Variants in UBE4A observed in about 807,000 individuals in gnomAD.
UBE4A encodes ubiquitination factor E4A, also known as ubiquitin conjugation factor E4 A.
UBE4A carries 48 observed loss-of-function variants against 117.9 expected under a neutral mutation model. The ratio of observed to expected loss-of-function variants is 0.41; its 90% CI spans 0.32 to 0.52. The LOEUF (loss-of-function observed/expected upper bound fraction) is 0.52, where lower values mean the gene tolerates loss of function less well. Ranked by LOEUF, UBE4A falls within the 20% of genes least tolerant of loss-of-function variation. UBE4A has a pLI of 0.33. For synonymous variants in UBE4A, 407 were observed against 450.0 expected, an observed-to-expected ratio of 0.90 and a Z score of 1.21; for missense variants, 1,067 against 1,296.3, an observed-to-expected ratio of 0.82 and a Z score of 2.72.
At chr11:118,383,588 CAAAAAAAAAAAAAA>C (rs11375309) in intron 13 of UBE4A, among the ~76,000 whole-genome samples, 3 of 54,222 alleles carry the variant, frequency 5.5e-5, no homozygotes, top group Non-Finnish European at 1.1e-4. Context: ...AAATCCCTCT[CAAAAAAAAAAAAAA>C]AAAAAAAAAA....
At chr11:118,366,117 G>T (rs1333356120) in intron 2 of UBE4A, among the ~76,000 whole-genome samples, 3 of 150,522 alleles carry the variant, frequency 2.0e-5, no homozygotes, top group Non-Finnish European at 4.4e-5. Flanking sequence ...CAGTTAGAAA[G>T]GGCTGAAGAA....
chr11:118,371,795 G>T (rs1233881503), intron 5 of UBE4A, 129 bp downstream of exon 5: 1 of 978,540 alleles, frequency 1.0e-6, no homozygotes, highest in African/African-American at 1.6e-5. Context: ...GAATATCAGG[G>T]ACACTAAAGC....
rs767350505 is a variant in UBE4A at position 118,373,219 on chromosome 11, C to G, written c.855C>G (p.Leu285=). 3.3e-5 allele frequency: 53 copies of G among 1,613,682 alleles called. No individual in the cohort carries two copies. Among genetic ancestry groups the G allele is most frequent in the Non-Finnish European group, 4.4e-5 (52 of 1,180,008 alleles). ...ILLGRIKDLE[L]CQILLYAYLD... ...TGGGCCGAATAAAAGATCTAGAGCT[C>G]TGTCAGATCCTTTTGTATGCATATC... The change falls in exon 7 of 20, where the codon CTC becomes CTG. Residue 285 remains leucine (L), a synonymous_variant. Coordinates refer to ENST00000252108, the MANE Select transcript of UBE4A (RefSeq NM_001204077.2).
Position 118,373,649 on chromosome 11 carries a change from C to T in UBE4A, c.1080C>T (p.Pro360=). ...TTTTGAATCCATCTCGTTCCAGCCC[C>T]CAGGAGATCAAAGTACAGGAGGCCA... The part of the protein sequence containing the change: ...GYFLNPSRSS[P]QEIKVQEANI... The change falls in exon 8 of 20, where the codon CCC becomes CCT. Residue 360 remains proline (P), a synonymous_variant. Transcript: ENST00000252108. 6.2e-7 allele frequency: 1 copy of T among 1,614,076 alleles called. No individual in the cohort carries two copies. Among genetic ancestry groups the T allele is most frequent in the Non-Finnish European group, 8.5e-7 (1 of 1,180,010 alleles).
chr11:118,392,055 C>CTATA lies in UBE4A; in HGVS notation c.2917-681_2917-678dup, dbSNP rs1948824170. 1.3e-5 allele frequency among the ~76,000 whole-genome samples: 2 copies of CTATA among 151,996 alleles called. 1 individual carries two copies. Among genetic ancestry groups the CTATA allele is most frequent in the South Asian group, 4.2e-4 (2 of 4,814 alleles). The stretch of plus-strand genomic sequence containing the variant: ...TGCATACATTTTAAAGATTAAAATA[C>CTATA]TATATTGTATTTAGCTAAATCCCTT... On this transcript the variant is annotated intron_variant, in intron 18 of 19. Transcript: ENST00000252108.
At position 118,372,503 on chromosome 11, in the gene UBE4A, G is replaced by T; in HGVS notation, c.562-4G>T. 6.2e-7 allele frequency: 1 copy of T among 1,600,354 alleles called. No homozygotes were observed. Among genetic ancestry groups the T allele is most frequent in the Non-Finnish European group, 8.5e-7 (1 of 1,176,170 alleles). The stretch of plus-strand genomic sequence containing the variant: ...ATTCCCTCTTTTCTTCATGCTGTTT[G>T]CAGATTACCAAAGTTCCAGAGAACC... On this transcript the variant is annotated splice_region_variant and splice_polypyrimidine_tract_variant and intron_variant, in intron 5 of 19. Coordinates refer to ENST00000252108, the MANE Select transcript of UBE4A (RefSeq NM_001204077.2).
chr11:118,386,691 A>T, intron 16 of UBE4A, 79 bp downstream of exon 16: 1 of 1,423,246 alleles, frequency 7.0e-7, no homozygotes, highest in African/African-American at 1.5e-5. Context: ...GCCCAGCTGA[A>T]ACTAAGAATT....
chr11:118,389,232 ATG>A (rs1555127775), intron 16 of UBE4A, among the ~76,000 whole-genome samples: 1 of 152,190 alleles, frequency 6.6e-6, no homozygotes, highest in Non-Finnish European at 1.5e-5. Context: ...AACTAGCCAC[ATG>A]TGGCTAGTGT....
chr11:118,365,125 T>C lies in UBE4A; in HGVS notation c.45T>C (p.Phe15=). 5 of 1,614,120 alleles carry C rather than the reference T, an allele frequency of 3.1e-6. No individual in the cohort carries two copies. The South Asian group carries it at 5.5e-5, about 18-fold the overall frequency. ...ACAACAACATCTCAAGTAACCCCTT[T>C]GCTGCTCTTTTTGGCTCCCTGGCTG... is the stretch of plus-strand genomic sequence containing the variant. ...ENNNNISSNP[F]AALFGSLADA... The change falls in exon 2 of 20, where the codon TTT becomes TTC. Residue 15 remains phenylalanine (F), a synonymous_variant. Transcript: ENST00000252108.
At chr11:118,364,934 T>A in intron 1 of UBE4A, 106 bp from the exon 2 acceptor site, 1 of 1,127,318 alleles carries the variant, frequency 8.9e-7, no homozygotes, top group Middle Eastern at 3.3e-4. Flanking sequence ...ACCCAAAGTA[T>A]TTTAAAATGT....
chr11:118,376,740 A>G (rs1555125445), intron 10 of UBE4A, 46 bp downstream of exon 10: 2 of 1,600,110 alleles, frequency 1.2e-6, no homozygotes, highest in South Asian at 1.1e-5. Flanking sequence ...AGTTGTGTTG[A>G]TAACTAGAAG....
intron 1 of UBE4A, among the ~76,000 whole-genome samples, chr11:118,362,991 G>A (rs1219147358): frequency 6.6e-6 from 1 of 152,158 alleles, no homozygotes; most frequent in African/African-American, 2.4e-5. Flanking sequence ...TGAATGTGAT[G>A]TTTTAGAGAG....
At chr11:118,380,153 G>A (rs61093247) in intron 11 of UBE4A, among the ~76,000 whole-genome samples, 1,670 of 149,246 alleles carry the variant, frequency 0.011, 27 homozygotes, top group African/African-American at 0.039. Flanking sequence ...GTGTGTGTGT[G>A]TGTGTGTGTG....
Position 118,389,818 on chromosome 11 carries a change from G to T in UBE4A, c.2681G>T (p.Gly894Val), listed in dbSNP as rs1555127931. 6.2e-7 allele frequency: 1 copy of T among 1,613,834 alleles called. No homozygotes were observed. Among genetic ancestry groups the T allele is most frequent in the South Asian group, 1.1e-5 (1 of 91,058 alleles). ...CAACACCTGGTTGGCCCCAAGATGG[G>T]TGCCTTAAAAGTCAAGGACTTCAGC... ...FLQHLVGPKM[G>V]ALKVKDFSEF... The change falls in exon 17 of 20, where the codon GGT (glycine) becomes GTT (valine). Residue 894 changes from glycine to valine, a missense_variant. Around this residue, in one of 3 missense-constraint regions of UBE4A, gnomAD observed 1,001 missense variants for 1,184.0 expected, o/e 0.85. Coordinates refer to ENST00000252108, the MANE Select transcript of UBE4A (RefSeq NM_001204077.2).
In UBE4A at chr11:118,372,556, A is replaced by G; in HGVS notation, c.611A>G (p.Asn204Ser). ...NLLPFAVQCR[N>S]LTVSNTRTVL... ...CTACCCTTTGCAGTGCAGTGCAGAA[A>G]CCTCACTGTGTCCAATACCCGAACA... The change falls in exon 6 of 20, where the codon AAC becomes AGC. Residue 204 changes from asparagine to serine, a missense_variant. Physicochemically the swap from Asn to Ser is conservative, Grantham distance 46 (BLOSUM62 1). Coordinates refer to ENST00000252108, the MANE Select transcript of UBE4A (RefSeq NM_001204077.2). 2 of 1,613,940 alleles carry G rather than the reference A, an allele frequency of 1.2e-6. No homozygotes were observed. Among genetic ancestry groups the G allele is most frequent in the Non-Finnish European group, 1.7e-6 (2 of 1,179,994 alleles).
chr11:118,365,741 G>A lies in UBE4A; in HGVS notation c.121+540G>A, dbSNP rs141465068. Among the ~76,000 whole-genome samples the A allele has an allele frequency of 1.4e-3, 211 of 152,324 alleles. 1 individual carries two copies. The highest frequency in any genetic ancestry group is 4.9e-3 in the African/African-American group (202 of 41,570). ...GTTCCGATGAGTGGCATCATTTGTAGCTTAGTCCTGTTAGGACAGACTTTT... is the reference window on the plus strand; with the variant it reads ...GTTCCGATGAGTGGCATCATTTGTAACTTAGTCCTGTTAGGACAGACTTTT... On this transcript the variant is annotated intron_variant, in intron 2 of 19. Coordinates refer to ENST00000252108, the MANE Select transcript of UBE4A (RefSeq NM_001204077.2).
chr11:118,377,302 G>C (rs868923376), intron 10 of UBE4A, among the ~76,000 whole-genome samples: 1 of 152,098 alleles, frequency 6.6e-6, no homozygotes, highest in African/African-American at 2.4e-5. Flanking sequence ...CCGCCTCCTG[G>C]GTTCAAGCAA....
Position 118,389,875 on chromosome 11 carries a change from C to T in UBE4A, c.2738C>T (p.Ser913Leu). The T allele has an allele frequency of 6.2e-7, 1 of 1,612,574 alleles. No homozygotes were observed. Among genetic ancestry groups the T allele is most frequent in the African/African-American group, 1.3e-5 (1 of 75,020 alleles). The change falls in exon 17 of 20, where the codon TCA becomes TTA. Residue 913 changes from serine (S) to leucine (L), a missense_variant. This residue lies in a region of UBE4A where 1,001 missense variants were observed against 1,184.0 expected (regional missense o/e 0.85). Transcript: ENST00000252108. ...EFDFKPQQLV[S>L]DICTIYLNLG... ...GACTTCAAACCCCAGCAGCTTGTATCAGATATCTGCACTATCTACTTAAAT... is the reference window on the plus strand; with the variant it reads ...GACTTCAAACCCCAGCAGCTTGTATTAGATATCTGCACTATCTACTTAAAT...
chr11:118,380,156 TGTGTGTGTGTGTG>T (rs1555126087), intron 11 of UBE4A, among the ~76,000 whole-genome samples: 8 of 132,158 alleles, frequency 6.1e-5, no homozygotes, highest in African/African-American at 2.2e-4. Context: ...TGTGTGTGTG[TGTGTGTGTGTGTG>T]TGTGTGTCAG....
Sources: gnomAD v4.1 joint callset for allele counts (sites outside exome capture counted in the v4.1 genomes callset) on GRCh38, gnomAD v4.1.1 for gene constraint, gnomAD v4.1.1 regional missense constraint, MANE v1.5 for transcripts, NCBI Gene and HGNC (gene_info 2026-07-23, HGNC 2026-07-21) for gene names.